Variants in FSTL3 observed in about 807,000 individuals in gnomAD.
The protein encoded by FSTL3 is follistatin like 3.
Under a neutral mutation model 28.1 loss-of-function variants are expected in FSTL3, and 21 were observed. That is an observed-to-expected ratio of 0.75 (90% confidence interval 0.53 to 1.08). The LOEUF is 1.08. Among genes scored for constraint, FSTL3 ranks in the 50% least tolerant of loss-of-function variants. FSTL3 has a pLI of 0.00. For missense variants in FSTL3, 400 were observed against 380.9 expected (o/e 1.05, Z -0.42); for synonymous variants, 199 against 164.2 (o/e 1.21, Z -1.62).
intron 1 of FSTL3, among the ~76,000 whole-genome samples, chr19:677,194 TCCCCACCCCCCATCCCTGCAG>T (rs1473307312): frequency 6.6e-6 from 1 of 151,888 alleles, no homozygotes; most frequent in African/African-American, 2.4e-5. Context: ...GCTCTCTGGC[TCCCCACCCCCCATCCCTGCAG>T]CCCCACCCCA....
At position 681,511 on chromosome 19, in the gene FSTL3, C is replaced by G. The variant is rs769618663; in HGVS notation, c.684C>G (p.Thr228=). ...YISSCHMRQA[T]CFLGRSIGVR... Reference sequence around the variant, plus strand: ...CCTCGTGCCACATGCGCCAGGCCACCTGCTTCCTGGGCCGCTCCATCGGCG... The same window carrying G: ...CCTCGTGCCACATGCGCCAGGCCACGTGCTTCCTGGGCCGCTCCATCGGCG... Residue 228 remains threonine (T), a synonymous_variant, in exon 4 of 5, where the codon ACC becomes ACG. Coordinates refer to ENST00000166139, the MANE Select transcript of FSTL3 (RefSeq NM_005860.3). 1.4e-5 allele frequency: 22 copies of G among 1,606,458 alleles called. No individual in the cohort carries two copies. In the Admixed American group the frequency reaches 3.7e-4, roughly 27 times the overall value.
chr19:680,103 G>A (rs1226317158), intron 2 of FSTL3, 171 bp from the exon 3 acceptor site: 6 of 332,146 alleles, frequency 1.8e-5, no homozygotes, highest in African/African-American at 8.9e-5. Flanking sequence ...CGGACCCTGA[G>A]CCCTGCCCCT....
At chr19:681,628 A>T in intron 4 of FSTL3, 22 bp from the exon 5 acceptor site, 1 of 1,589,184 alleles carries the variant, frequency 6.3e-7, no homozygotes, top group South Asian at 1.1e-5. Flanking sequence ...TGCGCCCTCA[A>T]TGCTCTTATC....
In FSTL3 at chr19:680,335, G is replaced by A; in HGVS notation, c.351G>A (p.Pro117=). 2 of 1,281,040 alleles carry A rather than the reference G, an allele frequency of 1.6e-6. No homozygotes were observed. Among genetic ancestry groups the A allele is most frequent in the South Asian group, 2.5e-5 (1 of 39,376 alleles). 79.4% of individuals were successfully genotyped at this position (1,281,040 alleles called of 1,614,324 possible). A position where few individuals can be genotyped will look rare whatever the true frequency, so the allele number is the denominator to read the frequency against. The part of the protein sequence containing the change: ...GKACRMLGGR[P]RCECAPDCSG... ...CGTGCCGCATGCTGGGGGGCCGCCCGCGCTGCGAGTGCGCGCCCGACTGCT... is the reference window on the plus strand; with the variant it reads ...CGTGCCGCATGCTGGGGGGCCGCCCACGCTGCGAGTGCGCGCCCGACTGCT... The change falls in exon 3 of 5, where the codon CCG becomes CCA. Residue 117 remains proline, a synonymous_variant. Transcript: ENST00000166139.
chr19:678,527 C>CTTG, intron 2 of FSTL3, among the ~76,000 whole-genome samples: 1 of 19,610 alleles, frequency 5.1e-5, no homozygotes, highest in South Asian at 1.6e-3. Context: ...TTTTTTTTTC[C>CTTG]TGAGATGGAG....
Position 676,486 on chromosome 19 carries a change from G to A in FSTL3, c.63G>A (p.Val21=). The A allele has an allele frequency of 8.3e-7, 1 of 1,199,074 alleles. No homozygotes were observed. Among genetic ancestry groups the A allele is most frequent in the Non-Finnish European group, 1.0e-6 (1 of 964,974 alleles). 74.3% of individuals were successfully genotyped at this position (1,199,074 alleles called of 1,614,324 possible). The part of the protein sequence containing the change: ...PLPWGALAWA[V]GFVSSMGSGN... Reference sequence around the variant, plus strand: ...CCTGGGGGGCCCTGGCTTGGGCCGTGGGCTTCGTGAGCTCCATGGGCTCGG... The same window carrying A: ...CCTGGGGGGCCCTGGCTTGGGCCGTAGGCTTCGTGAGCTCCATGGGCTCGG... The change falls in exon 1 of 5, where the codon GTG becomes GTA. Residue 21 remains valine (V), a synonymous_variant. Transcript: ENST00000166139.
chr19:680,282 G>A lies in FSTL3; in HGVS notation c.298G>A (p.Asp100Asn). ...VHCLPCKDSC[D>N]GVECGPGKAC... ...GTGTCCTCTGTCCGCAGATTCGTGCGACGGCGTGGAGTGCGGCCCGGGCAA... is the reference window on the plus strand; with the variant it reads ...GTGTCCTCTGTCCGCAGATTCGTGCAACGGCGTGGAGTGCGGCCCGGGCAA... Residue 100 changes from aspartate (D) to asparagine (N), a missense_variant, in exon 3 of 5, where the codon GAC becomes AAC. Coordinates refer to ENST00000166139, the MANE Select transcript of FSTL3 (RefSeq NM_005860.3). 1.5e-6 allele frequency: 2 copies of A among 1,327,688 alleles called. No homozygotes were observed. Among genetic ancestry groups the A allele is most frequent in the African/African-American group, 1.5e-5 (1 of 64,654 alleles). 82.2% of individuals were successfully genotyped at this position (1,327,688 alleles called of 1,614,324 possible). A position where few individuals can be genotyped will look rare whatever the true frequency, so the allele number is the denominator to read the frequency against.
intron 2 of FSTL3, among the ~76,000 whole-genome samples, chr19:678,771 A>G (rs148273442): frequency 0.021 from 3,166 of 152,174 alleles, 120 homozygotes; most frequent in African/African-American, 0.073. Context: ...TTGGCCTCCC[A>G]AAGTGCTGGG....
chr19:680,361 CG>C lies in FSTL3; in HGVS notation c.381del (p.Leu128SerfsTer32). On this transcript the variant is annotated frameshift_variant, in exon 3 of 5. Coordinates refer to ENST00000166139, the MANE Select transcript of FSTL3 (RefSeq NM_005860.3). LOFTEE classifies it high-confidence loss of function. ...RPRCECAPDC[S>X]GLPARLQVCG... is the part of the protein sequence containing the mutation. ...CGCTGCGAGTGCGCGCCCGACTGCT[CG>C]GGGCTCCCGGCGCGGCTGCAGGTCT... The C allele has an allele frequency of 7.8e-7, 1 of 1,280,706 alleles. No individual in the cohort carries two copies. Among genetic ancestry groups the C allele is most frequent in the Non-Finnish European group, 9.8e-7 (1 of 1,016,460 alleles). The allele number at this position is 1,280,706 out of a possible 1,614,324, so 79.3% of individuals were successfully genotyped here. A position where few individuals can be genotyped will look rare whatever the true frequency, so the allele number is the denominator to read the frequency against.
At position 683,350 on chromosome 19, in the gene FSTL3, C is replaced by A. The variant is rs972010873; in HGVS notation, c.*1642C>A. Reference sequence around the variant, plus strand: ...CCTCAGCCAGGCAGCCCACCCCACCCTGGGGCCCTGCCTCACCAAGGAAAT... The same window carrying A: ...CCTCAGCCAGGCAGCCCACCCCACCATGGGGCCCTGCCTCACCAAGGAAAT... On this transcript the variant is annotated 3_prime_UTR_variant, in exon 5 of 5. Transcript: ENST00000166139. The A allele has an allele frequency of 2.3e-5, 5 of 215,518 alleles. No individual in the cohort carries two copies. The Admixed American group carries it at 2.4e-4, about 10-fold the overall frequency. 13.4% of individuals were successfully genotyped at this position (215,518 alleles called of 1,614,324 possible).
rs2031345917 is a variant in FSTL3 at position 681,937 on chromosome 19, G to A, written c.*229G>A. The A allele has an allele frequency of 3.4e-6, 2 of 589,588 alleles. No homozygotes were observed. Among genetic ancestry groups the A allele is most frequent in the Non-Finnish European group, 3.0e-6 (1 of 330,084 alleles). The allele number at this position is 589,588 out of a possible 1,614,324, so 36.5% of individuals were successfully genotyped here. A position where few individuals can be genotyped will look rare whatever the true frequency, so the allele number is the denominator to read the frequency against. ...CCTGCGTTCCGGACACTGAGCGCCT[G>A]ATTTAGGGCCCTTCTCTAGGATGCC... is the stretch of plus-strand genomic sequence containing the variant. On this transcript the variant is annotated 3_prime_UTR_variant, in exon 5 of 5. Transcript: ENST00000166139.
At chr19:678,144 T>C (rs1370076686) in intron 2 of FSTL3, 167 bp downstream of exon 2, 1 of 641,962 alleles carries the variant, frequency 1.6e-6, no homozygotes, top group Non-Finnish European at 2.6e-6. Context: ...ACTTCCCGGT[T>C]CCCAGGCTCC....
chr19:681,664 C>G lies in FSTL3; in HGVS notation c.748C>G (p.Pro250Ala), dbSNP rs868447287. ...GACCCTTGCAGGCACCCCTGAGGAGCCGCCAGGTGGTGAGTCTGCAGAAGA... is the reference window on the plus strand; with the variant it reads ...GACCCTTGCAGGCACCCCTGAGGAGGCGCCAGGTGGTGAGTCTGCAGAAGA... ...AGSCAGTPEE[P>A]PGGESAEEEE... Residue 250 changes from proline (P) to alanine (A), a missense_variant, in exon 5 of 5, where the codon CCG (proline) becomes GCG (alanine). Coordinates refer to ENST00000166139, the MANE Select transcript of FSTL3 (RefSeq NM_005860.3). 1.3e-6 allele frequency: 2 copies of G among 1,574,472 alleles called. No homozygotes were observed. The highest frequency in any genetic ancestry group is 8.6e-7 in the Non-Finnish European group (1 of 1,160,294).
At chr19:676,734 T>C (rs1281564064) in intron 1 of FSTL3, among the ~76,000 whole-genome samples, 1 of 152,132 alleles carries the variant, frequency 6.6e-6, no homozygotes, top group African/African-American at 2.4e-5. Context: ...CTGACATTTA[T>C]TGAGCGCTTA....
intron 3 of FSTL3, 29 bp downstream of exon 3, chr19:680,518 C>A (rs1478760471): frequency 2.1e-6 from 2 of 954,726 alleles, no homozygotes; most frequent in Non-Finnish European, 2.5e-6. Flanking sequence ...TGTGGAGGGG[C>A]GGGGCGGGAC....
intron 3 of FSTL3, 139 bp from the exon 4 acceptor site, chr19:681,194 A>C (rs1376336870): frequency 1.4e-5 from 6 of 428,982 alleles, no homozygotes; most frequent in Non-Finnish European, 2.3e-5. Context: ...AGGGGGGCTC[A>C]CGGGGGGCGG....
chr19:678,675 T>G (rs1379441994), intron 2 of FSTL3, among the ~76,000 whole-genome samples: 2 of 151,866 alleles, frequency 1.3e-5, no homozygotes, highest in African/African-American at 4.8e-5. Context: ...CACACCTGGC[T>G]AATTTTTATG....
chr19:680,689 T>G, intron 3 of FSTL3, 200 bp downstream of exon 3: 10 of 121,618 alleles, frequency 8.2e-5, no homozygotes, highest in East Asian at 2.1e-4. Flanking sequence ...GGGCGGGGCC[T>G]GCTGGAGGGG....
intron 2 of FSTL3, 122 bp from the exon 3 acceptor site, chr19:680,152 G>A: frequency 2.0e-6 from 1 of 491,940 alleles, no homozygotes; most frequent in Non-Finnish European, 3.1e-6. Flanking sequence ...ACCCTGACCT[G>A]GGACGGCGCC....
Sources: allele counts gnomAD v4.1 joint callset (sites outside exome capture counted in the v4.1 genomes callset), GRCh38; gene constraint gnomAD v4.1.1; transcripts MANE v1.5; gene names NCBI Gene and HGNC (gene_info 2026-07-23, HGNC 2026-07-21).